The following DNAH5 variants were observed in gnomAD, a reference collection of about 807,000 sequenced individuals.
DNAH5 encodes the protein dynein axonemal heavy chain 5.
DNAH5 carries 372 observed loss-of-function variants against 518.2 expected under a neutral mutation model. The ratio of observed to expected loss-of-function variants is 0.72; its 90% CI spans 0.66 to 0.78. The LOEUF (loss-of-function observed/expected upper bound fraction) is 0.78, where lower values mean the gene tolerates loss of function less well. Among genes scored for constraint, DNAH5 ranks in the 30% least tolerant of loss-of-function variants. The probability of loss-of-function intolerance (pLI) is 0.00; values close to 1 mark genes in which losing one functional copy is unlikely to be tolerated. For missense variants in DNAH5, 5,523 were observed against 5,687.0 expected (o/e 0.97, Z 0.93); for synonymous variants, 2,039 against 2,025.9 (o/e 1.01, Z -0.17).
Position 13,824,308 on chromosome 5 carries a change from T to C in DNAH5, c.6470A>G (p.Asn2157Ser). Residue 2157 changes from asparagine to serine, a missense_variant, in exon 39 of 79, where the codon AAC (asparagine) becomes AGC (serine). This residue lies in a region of DNAH5 where 5,121 missense variants were observed against 5,223.3 expected (regional missense o/e 0.98). Coordinates refer to ENST00000265104, the MANE Select transcript of DNAH5 (RefSeq NM_001369.3). ...CAAGGTCCGAAGAACTGACAGAATG[T>C]TACGCAGGCCAAAGTCATAATGAAC... ...KQVHYDFGLRNILSVLRTLGA... is the reference protein window; with the variant it reads ...KQVHYDFGLRSILSVLRTLGA... The C allele has an allele frequency of 6.2e-7, 1 of 1,614,112 alleles. No homozygotes were observed. The highest frequency in any genetic ancestry group is 1.6e-4 in the Middle Eastern group (1 of 6,062).
Position 13,810,084 on chromosome 5 carries a change from G to A in DNAH5, c.7584C>T (p.Ala2528=). Residue 2528 remains alanine (A), a synonymous_variant, in exon 45 of 79, where the codon GCC becomes GCT. Transcript: ENST00000265104. ...CATCGGGCGCCACATAGTAGTCGAA[G>A]GCGGTGTCCCCGGGCCCCGCTGGCG... is the stretch of plus-strand genomic sequence containing the variant. The part of the protein sequence containing the change: ...LPPPAGPGDT[A]FDYYVAPDGT... 6.4e-7 allele frequency: 1 copy of A among 1,552,980 alleles called. No homozygotes were observed.
At chr5:13,879,846 A>G (rs1771411276) in intron 21 of DNAH5, among the ~76,000 whole-genome samples, 1 of 150,048 alleles carries the variant, frequency 6.7e-6, no homozygotes, top group African/African-American at 2.5e-5. Context: ...CTTATGCATT[A>G]TTGGCTTGCC....
chr5:13,978,827 A>AT (rs1439043519), intron 1 of DNAH5, among the ~76,000 whole-genome samples: 1 of 152,176 alleles, frequency 6.6e-6, no homozygotes, highest in Non-Finnish European at 1.5e-5. Context: ...ATCAGAATGT[A>AT]TCTCCATCAT....
In DNAH5 at chr5:13,716,625, G is replaced by C; in HGVS notation, c.12771C>G (p.Asp4257Glu). The C allele has an allele frequency of 5.0e-6, 8 of 1,613,722 alleles. No individual in the cohort carries two copies. The highest frequency in any genetic ancestry group is 6.8e-6 in the Non-Finnish European group (8 of 1,179,676). Residue 4257 changes from aspartate to glutamate, a missense_variant, in exon 74 of 79, where the codon GAC becomes GAG. By Grantham distance (45) the Asp-to-Glu change is conservative. Coordinates refer to ENST00000265104, the MANE Select transcript of DNAH5 (RefSeq NM_001369.3). The part of the protein sequence containing the change: ...GEIQYGGRVT[D>E]DYDKRLLNTF... ...TGTTCAACAATCTCTTATCATAGTC[G>C]TCAGTGACTCTGCCTCCATATTGAA...
intron 60 of DNAH5, among the ~76,000 whole-genome samples, chr5:13,759,464 G>A (rs1020030376): frequency 6.6e-6 from 1 of 152,130 alleles, no homozygotes. Flanking sequence ...ACAATATTTA[G>A]AACTATCTGC....
intron 35 of DNAH5, among the ~76,000 whole-genome samples, chr5:13,837,758 G>A (rs2401849): frequency 0.4 from 57,473 of 144,888 alleles, 11,621 homozygotes; most frequent in East Asian, 0.61. Flanking sequence ...GCTGGAGTGC[G>A]GTGGCATGAT....
At chr5:13,910,861 A>G (rs1467022846) in intron 12 of DNAH5, among the ~76,000 whole-genome samples, 1 of 152,232 alleles carries the variant, frequency 6.6e-6, no homozygotes, top group Non-Finnish European at 1.5e-5. Context: ...TGCTCATGTG[A>G]GCTGCAAGGC....
At chr5:13,945,066 A>G (rs764058585), upstream of DNAH5, among the ~76,000 whole-genome samples, 1 of 152,260 alleles carries the variant, frequency 6.6e-6, no homozygotes, top group Non-Finnish European at 1.5e-5. Context: ...TCCACCACAA[A>G]GAACAAGAAG....
chr5:13,912,474 A>AAT (rs1281136168), intron 11 of DNAH5, among the ~76,000 whole-genome samples: 2 of 119,036 alleles, frequency 1.7e-5, no homozygotes, highest in East Asian at 6.6e-4. Context: ...TGTTATATAA[A>AAT]ATATATACAC....
chr5:13,811,601 G>A, intron 44 of DNAH5, 46 bp downstream of exon 44: 1 of 1,562,378 alleles, frequency 6.4e-7, no homozygotes, highest in South Asian at 1.1e-5. Context: ...GTGCAGCATG[G>A]CTAAGTTGAT....
rs761627488 is a variant in DNAH5, at chr5:13,870,736, T to C, written c.3834+31A>G. On this transcript the variant is annotated intron_variant, in intron 24 of 78. Transcript: ENST00000265104. ...TAATAGCATCCAACATGTAGAAATA[T>C]TTCTATAATGAACAAATGATCATTA... The C allele has an allele frequency of 1.1e-5, 18 of 1,578,672 alleles. No homozygotes were observed. The African/African-American group carries it at 2.3e-4, about 20-fold the overall frequency.
At chr5:13,865,612 A>G in intron 27 of DNAH5, 56 bp downstream of exon 27, 1 of 1,101,088 alleles carries the variant, frequency 9.1e-7, no homozygotes, top group Non-Finnish European at 1.4e-6. Context: ...CTGCCTATCA[A>G]AGAGGAAAGC....
Position 13,864,694 on chromosome 5 carries a change from A to G in DNAH5, c.4356-57T>C, listed in dbSNP as rs191669243. 5,415 of 1,588,724 alleles carry G rather than the reference A, an allele frequency of 3.4e-3. 19 individuals carry two copies. The highest frequency in any genetic ancestry group is 3.3e-3 in the Non-Finnish European group (3,794 of 1,156,964). ...GAAATATGATGGTAGACATCACTGG[A>G]CCAAGACGGTCTGCTAGTATTTCTA... On this transcript the variant is annotated intron_variant, in intron 27 of 78. Transcript: ENST00000265104.
rs374711793 is a variant in DNAH5, at chr5:13,718,975, T to C, written c.12406A>G (p.Lys4136Glu). 2.5e-6 allele frequency: 4 copies of C among 1,614,038 alleles called. No homozygotes were observed. In the African/African-American group the frequency reaches 5.3e-5, roughly 22 times the overall value. Residue 4136 changes from lysine to glutamate, a missense_variant, in exon 72 of 79, where the codon AAG becomes GAG. By Grantham distance (56) the Lys-to-Glu change is moderately conservative. Coordinates refer to ENST00000265104, the MANE Select transcript of DNAH5 (RefSeq NM_001369.3). Reference sequence around the variant, plus strand: ...TGAAGGAGTGTAATGGGAAACTGCTTATGAGCCTCGGTGGTCATCCAGAGG... The same window carrying C: ...TGAAGGAGTGTAATGGGAAACTGCTCATGAGCCTCGGTGGTCATCCAGAGG... ...FRLWMTTEAHKQFPITLLQMS... is the reference protein window; with the variant it reads ...FRLWMTTEAHEQFPITLLQMS...
chr5:13,766,113 T>G lies in DNAH5; in HGVS notation c.9964A>C (p.Ile3322Leu), dbSNP rs776865982. ...LGRPPHLIMR[I>L]MDCVLLLFQR... is the part of the protein sequence containing the mutation. The stretch of plus-strand genomic sequence containing the variant: ...AACAGCAGCAGTACGCAATCCATGA[T>G]CCGCATGATGAGGTGAGGGGGGCGG... Residue 3322 changes from isoleucine to leucine, a missense_variant, in exon 59 of 79, where the codon ATC becomes CTC. Around this residue, in one of 3 missense-constraint regions of DNAH5, gnomAD observed 5,121 missense variants for 5,223.3 expected, o/e 0.98. Transcript: ENST00000265104. The G allele has an allele frequency of 3.7e-6, 6 of 1,614,136 alleles. No homozygotes were observed. In the South Asian group the frequency reaches 6.6e-5, roughly 18 times the overall value.
intron 59 of DNAH5, among the ~76,000 whole-genome samples, chr5:13,765,315 A>C (rs1428133324): frequency 6.6e-6 from 1 of 152,254 alleles, no homozygotes; most frequent in Non-Finnish European, 1.5e-5. Context: ...TGAAAAAAGA[A>C]AGACTGTCAT....
chr5:13,756,474 C>T (rs910132892), intron 61 of DNAH5, among the ~76,000 whole-genome samples: 6 of 152,038 alleles, frequency 3.9e-5, no homozygotes, highest in Non-Finnish European at 8.8e-5. Context: ...ATAAAGCTTG[C>T]TGAATGAGTT....
intron 75 of DNAH5, among the ~76,000 whole-genome samples, chr5:13,709,437 T>C (rs1226261945): frequency 6.6e-6 from 1 of 152,148 alleles, no homozygotes; most frequent in Non-Finnish European, 1.5e-5. Context: ...GTAATTGAAT[T>C]GTTTGTAACT....
intron 47 of DNAH5, among the ~76,000 whole-genome samples, chr5:13,804,518 G>T (rs987108249): frequency 6.6e-6 from 1 of 152,226 alleles, no homozygotes; most frequent in Non-Finnish European, 1.5e-5. Flanking sequence ...AAATTACAGT[G>T]AGAAAGTTAA....
Sources: allele counts gnomAD v4.1 joint callset (sites outside exome capture counted in the v4.1 genomes callset), GRCh38; gene constraint gnomAD v4.1.1; regional missense constraint gnomAD v4.1.1; transcripts MANE v1.5; gene names NCBI Gene and HGNC (gene_info 2026-07-23, HGNC 2026-07-21).